The following UCHL5 variants were observed in gnomAD, a reference collection of about 807,000 sequenced individuals.
UCHL5 encodes ubiquitin carboxyl-terminal hydrolase isozyme L5.
A neutral mutation model predicts 53.8 loss-of-function variants in UCHL5; 34 were observed. The ratio of observed to expected loss-of-function variants is 0.63; its 90% CI spans 0.48 to 0.84. The LOEUF is 0.84. Ranked by LOEUF, UCHL5 falls within the 40% of genes least tolerant of loss-of-function variation. The pLI is 0.00. For synonymous variants in UCHL5, 111 were observed against 126.3 expected, an observed-to-expected ratio of 0.88 and a Z score of 0.81; for missense variants, 290 against 385.6, an observed-to-expected ratio of 0.75 and a Z score of 2.08.
chr1:193,028,094 CT>C lies in UCHL5; in HGVS notation c.619del (p.Arg207GlyfsTer14). ...TTAGCTGAGCATTTACTTTTGTATC[CT>C]TTTTTCTATGACAGGCCTTACTGCA... ...ISAVRPVIEK[R>X]IQKYSEGEIR... On this transcript the variant is annotated frameshift_variant, in exon 7 of 11. Transcript: ENST00000367454. LOFTEE classifies it high-confidence loss of function. 6.2e-7 allele frequency: 1 copy of C among 1,605,328 alleles called. No individual in the cohort carries two copies. Among genetic ancestry groups the C allele is most frequent in the African/African-American group, 1.3e-5 (1 of 74,336 alleles).
rs577713033 is a variant in UCHL5, at chr1:193,029,997, C to T, written c.247-340G>A. On this transcript the variant is annotated intron_variant, in intron 3 of 10. Transcript: ENST00000367454. ...CCTCTCCTATTCATTTCCTCCTAGA[C>T]TCATTTCTACCTATTCAAATTCAAT... 2.3e-3 allele frequency among the ~76,000 whole-genome samples: 349 copies of T among 152,296 alleles called. 2 individuals are homozygous for T. The highest frequency in any genetic ancestry group is 8.1e-3 in the African/African-American group (338 of 41,576).
chr1:193,046,489 C>T (rs954024203), intron 3 of UCHL5, among the ~76,000 whole-genome samples: 3 of 151,984 alleles, frequency 2.0e-5, no homozygotes, highest in African/African-American at 7.2e-5. Flanking sequence ...CCTGGGTTTG[C>T]ACCCTAGCTC....
At chr1:193,058,714 T>C (rs1324000973) in intron 1 of UCHL5, among the ~76,000 whole-genome samples, 1 of 152,172 alleles carries the variant, frequency 6.6e-6, no homozygotes, top group African/African-American at 2.4e-5. Flanking sequence ...ATAACCAGAA[T>C]CTCGAGTTCC....
chr1:193,029,442 C>A lies in UCHL5; in HGVS notation c.380G>T (p.Gly127Val), dbSNP rs1660555985. ...CACATCTGAATTGCTCAGTGCCAAG[C>A]CTTTCATCTAAAATAATTTTTTAAA... ...FSQSFDAAMK[G>V]LALSNSDVIR... The change falls in exon 5 of 11, where the codon GGC (glycine) becomes GTC (valine). Residue 127 changes from glycine (G) to valine (V), a missense_variant. Physicochemically the swap from Gly to Val is moderately radical, Grantham distance 109 (BLOSUM62 -3). Transcript: ENST00000367454. 1 of 1,613,414 alleles carries A rather than the reference C, an allele frequency of 6.2e-7. No homozygotes were observed. Among genetic ancestry groups the A allele is most frequent in the Non-Finnish European group, 8.5e-7 (1 of 1,179,804 alleles).
chr1:193,059,417 A>G (rs761236410), upstream of UCHL5: 6 of 1,610,492 alleles, frequency 3.7e-6, no homozygotes, highest in Admixed American at 8.4e-5. This position sits in a 1 kb window ranked among gnomAD's most constrained non-coding sequence, Gnocchi z 4.9. Flanking sequence ...CGTCACCTGC[A>G]GCGCGACTGA....
In UCHL5 at chr1:193,016,128, T is replaced by C; in HGVS notation, c.*223A>G. 1 of 455,518 alleles carries C rather than the reference T, an allele frequency of 2.2e-6. No homozygotes were observed. The highest frequency in any genetic ancestry group is 3.9e-6 in the Non-Finnish European group (1 of 257,528). The allele number at this position is 455,518 out of a possible 1,614,324, so 28.2% of individuals were successfully genotyped here. ...CAGACTCAATGTCAAATAATGGAAT[T>C]TGGGAAAGCATTCTTAATATCACTT... On this transcript the variant is annotated 3_prime_UTR_variant, in exon 11 of 11. Transcript: ENST00000367454.
chr1:193,020,181 G>A (rs1220938607), intron 10 of UCHL5: 2 of 1,346,754 alleles, frequency 1.5e-6, no homozygotes, highest in African/African-American at 3.0e-5. Flanking sequence ...CAATCAATAA[G>A]GTAATATACA....
chr1:193,020,960 C>A lies in UCHL5; in HGVS notation c.942+137G>T, dbSNP rs758031648. The A allele has an allele frequency of 4.8e-6, 3 of 628,808 alleles. No homozygotes were observed. The East Asian group carries it at 8.7e-5, about 18-fold the overall frequency. 39.0% of individuals were successfully genotyped at this position (628,808 alleles called of 1,614,324 possible). On this transcript the variant is annotated intron_variant, in intron 10 of 10. Transcript: ENST00000367454. Reference sequence around the variant, plus strand: ...GAACTAATTCTTACAGAGTAGAAAACAAGAGGCAAAAGCAAAAGAATAAAA... The same window carrying A: ...GAACTAATTCTTACAGAGTAGAAAAAAAGAGGCAAAAGCAAAAGAATAAAA...
chr1:193,021,095 A>G lies in UCHL5; in HGVS notation c.942+2T>C. The stretch of plus-strand genomic sequence containing the variant: ...TTAAGTATCTACCAATAAAATACTT[A>G]CCTTTTCTACTAGTGGTATTAACTG... On this transcript the variant is annotated splice_donor_variant, in intron 10 of 10. Coordinates refer to ENST00000367454, the MANE Select transcript of UCHL5 (RefSeq NM_001199261.3). LOFTEE classifies it high-confidence loss of function. The G allele has an allele frequency of 6.3e-7, 1 of 1,577,574 alleles. No homozygotes were observed. The highest frequency in any genetic ancestry group is 1.3e-5 in the African/African-American group (1 of 74,196).
upstream of UCHL5, chr1:193,059,868 T>G: frequency 7.3e-7 from 1 of 1,364,618 alleles, no homozygotes; most frequent in Non-Finnish European, 9.8e-7. The surrounding 1 kb of genome is among the most constrained non-coding windows in gnomAD (Gnocchi z 4.9). Flanking sequence ...CTCACCCGCA[T>G]CCCAGGGGTT....
At chr1:193,033,375 C>T (rs570600752) in intron 3 of UCHL5, among the ~76,000 whole-genome samples, 23 of 151,026 alleles carry the variant, frequency 1.5e-4, no homozygotes, top group Admixed American at 2.6e-4. Context: ...CGGGGCTTGT[C>T]GGGGGGTTGC....
chr1:193,041,610 C>T (rs1665593011), intron 3 of UCHL5, among the ~76,000 whole-genome samples: 1 of 152,166 alleles, frequency 6.6e-6, no homozygotes, highest in Non-Finnish European at 1.5e-5. Context: ...AGATGAAATA[C>T]TCATTCTACT....
chr1:193,042,962 T>G (rs1666089466), intron 3 of UCHL5, among the ~76,000 whole-genome samples: 1 of 151,914 alleles, frequency 6.6e-6, no homozygotes, highest in African/African-American at 2.4e-5. Context: ...CAAGCATACA[T>G]GTGACACAGG....
intron 3 of UCHL5, among the ~76,000 whole-genome samples, chr1:193,037,890 TAAAAAA>T (rs71111446): frequency 8.4e-6 from 1 of 118,862 alleles, no homozygotes; most frequent in Admixed American, 9.1e-5. Flanking sequence ...CTTAAAGTAT[TAAAAAA>T]AAAAAAAAAA....
chr1:193,037,214 A>T (rs1663850120), intron 3 of UCHL5, among the ~76,000 whole-genome samples: 1 of 151,982 alleles, frequency 6.6e-6, no homozygotes, highest in Admixed American at 6.5e-5. Flanking sequence ...AAAAATCTTC[A>T]GGAAAGGTAA....
At chr1:193,052,532 C>T (rs756912708) in intron 1 of UCHL5, among the ~76,000 whole-genome samples, 13 of 152,144 alleles carry the variant, frequency 8.5e-5, no homozygotes, top group South Asian at 2.1e-4. Flanking sequence ...ATCAACAGTG[C>T]CAAGGTTGAG....
At chr1:193,024,194 G>T (rs887207446) in intron 7 of UCHL5, among the ~76,000 whole-genome samples, 1 of 151,468 alleles carries the variant, frequency 6.6e-6, no homozygotes, top group Non-Finnish European at 1.5e-5. Context: ...AGTGAGCTAT[G>T]ATAGTGCACT....
At chr1:193,057,968 G>A (rs1671204580) in intron 1 of UCHL5, among the ~76,000 whole-genome samples, 2 of 152,222 alleles carry the variant, frequency 1.3e-5, no homozygotes, top group African/African-American at 2.4e-5. Flanking sequence ...CGTGGCTCAC[G>A]CCTGTAATCC....
Position 193,059,151 on chromosome 1 carries a change from A to C in UCHL5, c.76+34T>G, listed in dbSNP as rs1452113119. 2 of 1,514,142 alleles carry C rather than the reference A, an allele frequency of 1.3e-6. No individual in the cohort carries two copies. The highest frequency in any genetic ancestry group is 3.9e-4 in the Middle Eastern group (2 of 5,118). The allele number at this position is 1,514,142 out of a possible 1,614,324, so 93.8% of individuals were successfully genotyped here. On this transcript the variant is annotated intron_variant, in intron 1 of 10. Transcript: ENST00000367454. The surrounding 1 kb of genome is among the most constrained non-coding windows in gnomAD (Gnocchi z 4.9). ...TGCCCAGCTTGGGCCTCCTCCCGTG[A>C]CCCCAGGCCCAGGACGGTCCCCTTG...
Sources: gnomAD v4.1 joint callset for allele counts (sites outside exome capture counted in the v4.1 genomes callset) on GRCh38, gnomAD v4.1.1 for gene constraint, Gnocchi (gnomAD v3.1) non-coding constraint, MANE v1.5 for transcripts, NCBI Gene and HGNC (gene_info 2026-07-23, HGNC 2026-07-21) for gene names.